Variants in ADAMTS2 observed in about 807,000 individuals in gnomAD.
The protein encoded by ADAMTS2 is ADAM metallopeptidase with thrombospondin type 1 motif 2.
Under a neutral mutation model 123.0 loss-of-function variants are expected in ADAMTS2, and 50 were observed. That is an observed-to-expected ratio of 0.41 (90% CI 0.32 to 0.51). ADAMTS2 has a LOEUF of 0.51. Ranked by LOEUF, ADAMTS2 falls within the 20% of genes least tolerant of loss-of-function variation. ADAMTS2 has a pLI of 0.35. For missense variants in ADAMTS2, 1,494 were observed against 1,705.2 expected, an observed-to-expected ratio of 0.88 and a Z score of 2.18; for synonymous variants, 678 against 695.4, an observed-to-expected ratio of 0.98 and a Z score of 0.39.
chr5:179,256,605 C>T lies in ADAMTS2; in HGVS notation c.688+16306G>A, dbSNP rs1251569523. On this transcript the variant is annotated intron_variant, in intron 3 of 21. Transcript: ENST00000251582. The surrounding 1 kb of genome is among the most constrained non-coding windows in gnomAD (Gnocchi z 4.1). ...CCAACCAGAGTCCAGGAGTCTCACACTCCACTGCAAACCAGGCAGGCGGGG... is the reference window on the plus strand; with the variant it reads ...CCAACCAGAGTCCAGGAGTCTCACATTCCACTGCAAACCAGGCAGGCGGGG... Among the ~76,000 whole-genome samples the T allele has an allele frequency of 6.6e-6, 1 of 152,186 alleles. No individual in the cohort carries two copies. Among genetic ancestry groups the T allele is most frequent in the Non-Finnish European group, 1.5e-5 (1 of 68,032 alleles).
In ADAMTS2 at chr5:179,132,147, A is replaced by T. The variant is rs1199129077; in HGVS notation, c.2290+83T>A. ...CATGGCTGCACAACCCGGGCCCCTG[A>T]CCCCTGACCCCTGGCACTCTGCCCA... is the stretch of plus-strand genomic sequence containing the variant. On this transcript the variant is annotated intron_variant, in intron 15 of 21. Coordinates refer to ENST00000251582, the MANE Select transcript of ADAMTS2 (RefSeq NM_014244.5). The surrounding 1 kb of genome is among the most constrained non-coding windows in gnomAD (Gnocchi z 6.1). 1 of 1,396,354 alleles carries T rather than the reference A, an allele frequency of 7.2e-7. No homozygotes were observed. Among genetic ancestry groups the T allele is most frequent in the Admixed American group, 1.8e-5 (1 of 56,244 alleles). The allele number at this position is 1,396,354 out of a possible 1,614,324, so 86.5% of individuals were successfully genotyped here. A position where few individuals can be genotyped will look rare whatever the true frequency, so the allele number is the denominator to read the frequency against.
At chr5:179,339,018 G>A (rs1339317292) in intron 2 of ADAMTS2, among the ~76,000 whole-genome samples, 2 of 152,184 alleles carry the variant, frequency 1.3e-5, no homozygotes, top group Non-Finnish European at 1.5e-5. Context: ...GGCAAGCCTG[G>A]AGCCCAGGAG....
chr5:179,314,213 G>A lies in ADAMTS2; in HGVS notation c.534+29554C>T, dbSNP rs1236998770. On this transcript the variant is annotated intron_variant, in intron 2 of 21. Coordinates refer to ENST00000251582, the MANE Select transcript of ADAMTS2 (RefSeq NM_014244.5). The surrounding 1 kb of genome is among the most constrained non-coding windows in gnomAD (Gnocchi z 4.5). ...CAGGACTGGCATTTCCCGGGCTCCTGGTCCCATCCTGCCCCTCCCACCGGG... is the reference window on the plus strand; with the variant it reads ...CAGGACTGGCATTTCCCGGGCTCCTAGTCCCATCCTGCCCCTCCCACCGGG... Among the ~76,000 whole-genome samples, 1 of 152,264 alleles carries A rather than the reference G, an allele frequency of 6.6e-6. No individual in the cohort carries two copies. The highest frequency in any genetic ancestry group is 1.5e-5 in the Non-Finnish European group (1 of 68,040).
At chr5:179,142,755 G>A (rs1431473520) in intron 10 of ADAMTS2, among the ~76,000 whole-genome samples, 1 of 152,188 alleles carries the variant, frequency 6.6e-6, no homozygotes, top group Non-Finnish European at 1.5e-5. Context: ...CAATATCAGT[G>A]GCTGCACACT....
At position 179,198,572 on chromosome 5, in the gene ADAMTS2, G is replaced by A. The variant is rs574891455; in HGVS notation, c.891+8941C>T. Among the ~76,000 whole-genome samples the A allele has an allele frequency of 4.6e-5, 7 of 152,328 alleles. No homozygotes were observed. In the East Asian group the frequency reaches 1.4e-3, roughly 30 times the overall value. On this transcript the variant is annotated intron_variant, in intron 4 of 21. Coordinates refer to ENST00000251582, the MANE Select transcript of ADAMTS2 (RefSeq NM_014244.5). Reference sequence around the variant, plus strand: ...GTGTAGGCCGGGAGCAGTGGCTCATGCCTGTGATCCCAGCACTTTGGGAGG... The same window carrying A: ...GTGTAGGCCGGGAGCAGTGGCTCATACCTGTGATCCCAGCACTTTGGGAGG...
chr5:179,227,974 C>T (rs1297412964), intron 3 of ADAMTS2, among the ~76,000 whole-genome samples: 6 of 152,102 alleles, frequency 3.9e-5, no homozygotes, highest in Non-Finnish European at 2.9e-5. Flanking sequence ...GGGAGGATTC[C>T]GGGTTTCTGA....
rs577388610 is a variant in ADAMTS2, at chr5:179,132,674, C to T, written c.2209+103G>A. 2 of 1,498,674 alleles carry T rather than the reference C, an allele frequency of 1.3e-6. No individual in the cohort carries two copies. Among genetic ancestry groups the T allele is most frequent in the East Asian group, 4.9e-5 (2 of 40,830 alleles). 92.8% of individuals were successfully genotyped at this position (1,498,674 alleles called of 1,614,324 possible). ...GACCTCTCCCCCTCCCCAGAACAGT[C>T]ATAAGCCCGGACAGCCCCAGGATGA... On this transcript the variant is annotated intron_variant, in intron 14 of 21. Transcript: ENST00000251582. The surrounding 1 kb of genome is among the most constrained non-coding windows in gnomAD (Gnocchi z 6.1).
chr5:179,284,019 G>A (rs1034751738), intron 2 of ADAMTS2, among the ~76,000 whole-genome samples: 17 of 150,206 alleles, frequency 1.1e-4, no homozygotes, highest in Non-Finnish European at 2.2e-4. Flanking sequence ...GAGACAGAGA[G>A]ATACCCTGTC....
At position 179,314,646 on chromosome 5, in the gene ADAMTS2, T is replaced by C. The variant is rs73808250; in HGVS notation, c.534+29121A>G. ...AGACAGCATGCAGAGGCCCATGTGC[T>C]TGTCCCACAGGGTGACGGGCCAGAA... On this transcript the variant is annotated intron_variant, in intron 2 of 21. Transcript: ENST00000251582. This position sits in a 1 kb window ranked among gnomAD's most constrained non-coding sequence, Gnocchi z 4.5. 4.8e-3 allele frequency among the ~76,000 whole-genome samples: 736 copies of C among 152,164 alleles called. 10 individuals carry two copies. Among genetic ancestry groups the C allele is most frequent in the African/African-American group, 0.016 (678 of 41,508 alleles).
intron 4 of ADAMTS2, among the ~76,000 whole-genome samples, chr5:179,194,355 G>A (rs929205004): frequency 6.6e-6 from 1 of 152,196 alleles, no homozygotes; most frequent in Non-Finnish European, 1.5e-5. Flanking sequence ...TCTGGATCCC[G>A]TGCTCACCAC....
chr5:179,343,710 T>A, intron 2 of ADAMTS2, 57 bp downstream of exon 2: 1 of 1,580,470 alleles, frequency 6.3e-7, no homozygotes, highest in Non-Finnish European at 8.5e-7. Flanking sequence ...GGTAACCCTT[T>A]TCCAAAACCC....
chr5:179,194,426 G>A (rs1333250324), intron 4 of ADAMTS2, among the ~76,000 whole-genome samples: 2 of 152,306 alleles, frequency 1.3e-5, no homozygotes, highest in South Asian at 4.1e-4. Flanking sequence ...GTGGGCAGGC[G>A]GGTGGGCCTC....
chr5:179,121,607 G>T, intron 21 of ADAMTS2, 54 bp downstream of exon 21: 1 of 1,457,010 alleles, frequency 6.9e-7, no homozygotes, highest in Admixed American at 1.8e-5. Context: ...AAGCTCCACA[G>T]GGCGCAGGGC....
rs1763908666 is a variant in ADAMTS2 at position 179,175,344 on chromosome 5, C to A, written c.975+5728G>T. On this transcript the variant is annotated intron_variant, in intron 5 of 21. Coordinates refer to ENST00000251582, the MANE Select transcript of ADAMTS2 (RefSeq NM_014244.5). This position sits in a 1 kb window ranked among gnomAD's most constrained non-coding sequence, Gnocchi z 4.1. ...TGACCGTTCGTGTTCCTAGATGGTGCTTAGAATCACTTCATAACATTTCCA... is the reference window on the plus strand; with the variant it reads ...TGACCGTTCGTGTTCCTAGATGGTGATTAGAATCACTTCATAACATTTCCA... Among the ~76,000 whole-genome samples, 1 of 152,228 alleles carries A rather than the reference C, an allele frequency of 6.6e-6. No homozygotes were observed. The highest frequency in any genetic ancestry group is 1.5e-5 in the Non-Finnish European group (1 of 68,050).
intron 4 of ADAMTS2, among the ~76,000 whole-genome samples, chr5:179,194,504 CG>C (rs1764376516): frequency 6.6e-6 from 1 of 151,920 alleles, no homozygotes; most frequent in Non-Finnish European, 1.5e-5. Context: ...GGATGGCCTG[CG>C]GGGAGAGGCG....
intron 3 of ADAMTS2, among the ~76,000 whole-genome samples, chr5:179,224,958 A>G (rs1401270894): frequency 6.6e-6 from 1 of 152,212 alleles, no homozygotes; most frequent in Non-Finnish European, 1.5e-5. Context: ...CTGGCCAACC[A>G]GAGTGAGTCC....
chr5:179,124,833 CG>C, intron 19 of ADAMTS2, 139 bp downstream of exon 19: 1 of 1,600,464 alleles, frequency 6.2e-7, no homozygotes. Context: ...GCTCTCAGGC[CG>C]GGCGTCATTG....
chr5:179,208,464 G>A (rs1764771779), intron 3 of ADAMTS2, among the ~76,000 whole-genome samples: 1 of 152,214 alleles, frequency 6.6e-6, no homozygotes, highest in Non-Finnish European at 1.5e-5. Context: ...CAGCTCCGCT[G>A]CAGTCGGCCC....
At position 179,220,629 on chromosome 5, in the gene ADAMTS2, A is replaced by G. The variant is rs1765103288; in HGVS notation, c.689-12914T>C. Among the ~76,000 whole-genome samples the G allele has an allele frequency of 1.3e-5, 2 of 149,460 alleles. 1 individual carries two copies. The highest frequency in any genetic ancestry group is 4.9e-5 in the African/African-American group (2 of 40,446). On this transcript the variant is annotated intron_variant, in intron 3 of 21. Coordinates refer to ENST00000251582, the MANE Select transcript of ADAMTS2 (RefSeq NM_014244.5). The stretch of plus-strand genomic sequence containing the variant: ...CTCCCTCAAAGGCAGCTCCCTCCTC[A>G]CTCCTCAGGGTCTCTGGAACCTACC...
Sources: gnomAD v4.1 joint callset for allele counts (sites outside exome capture counted in the v4.1 genomes callset) on GRCh38, gnomAD v4.1.1 for gene constraint, Gnocchi (gnomAD v3.1) non-coding constraint, MANE v1.5 for transcripts, NCBI Gene and HGNC (gene_info 2026-07-23, HGNC 2026-07-21) for gene names.